SRD5A2: variants seen among roughly 807,000 people sequenced by gnomAD.
SRD5A2 encodes steroid 5 alpha-reductase 2, also known as 3-oxo-5-alpha-steroid 4-dehydrogenase 2.
Under a neutral mutation model 27.4 loss-of-function variants are expected in SRD5A2, and 30 were observed. The ratio of observed to expected loss-of-function variants is 1.10; its 90% CI spans 0.82 to 1.49. The LOEUF (loss-of-function observed/expected upper bound fraction) is 1.49, where lower values mean the gene tolerates loss of function less well. Among genes scored for constraint, SRD5A2 ranks in the 40% most tolerant of loss-of-function variants. The pLI is 0.00. For synonymous variants in SRD5A2, 141 were observed against 133.6 expected, an observed-to-expected ratio of 1.06 and a Z score of -0.38; for missense variants, 348 against 323.4, an observed-to-expected ratio of 1.08 and a Z score of -0.58.
chr2:31,645,827 GGT>G, the SRD5A2 span, among the ~76,000 whole-genome samples: 1 of 151,966 alleles, frequency 6.6e-6, no homozygotes, highest in Non-Finnish European at 1.5e-5. Flanking sequence ...GATGTGTTTA[GGT>G]GTGTGTGTAC....
At chr2:31,562,499 C>A (rs1346680225) in intron 1 of SRD5A2, among the ~76,000 whole-genome samples, 1 of 152,066 alleles carries the variant, frequency 6.6e-6, no homozygotes, top group African/African-American at 2.4e-5. Flanking sequence ...TATTAATGTA[C>A]CCATTAACAA....
chr2:31,566,571 T>A (rs931364938), intron 1 of SRD5A2, among the ~76,000 whole-genome samples: 1 of 152,218 alleles, frequency 6.6e-6, no homozygotes, highest in Non-Finnish European at 1.5e-5. Flanking sequence ...CTTTGCCAAG[T>A]GCTACTTTGC....
the SRD5A2 span, among the ~76,000 whole-genome samples, chr2:31,641,033 C>T: frequency 3.7e-3 from 559 of 152,242 alleles, 4 homozygotes; most frequent in African/African-American, 0.013. Flanking sequence ...TATTATTCTC[C>T]TCCCATCTAC....
intron 1 of SRD5A2, among the ~76,000 whole-genome samples, chr2:31,546,594 A>C (rs1250880022): frequency 1.3e-5 from 2 of 152,198 alleles, no homozygotes; most frequent in African/African-American, 4.8e-5. Context: ...CGTTGAGTAC[A>C]CTTGAACATA....
the SRD5A2 span, among the ~76,000 whole-genome samples, chr2:31,600,632 T>C: frequency 6.6e-6 from 1 of 151,926 alleles, no homozygotes; most frequent in African/African-American, 2.4e-5. Context: ...ACCACCAAAC[T>C]TTTAAAGAAC....
the SRD5A2 span, among the ~76,000 whole-genome samples, chr2:31,642,750 C>T: frequency 6.6e-6 from 1 of 151,948 alleles, no homozygotes; most frequent in Non-Finnish European, 1.5e-5. Flanking sequence ...TAACCTAAAA[C>T]TATAAACAAC....
At chr2:31,528,147 G>A (rs527327535) in intron 4 of SRD5A2, among the ~76,000 whole-genome samples, 1 of 152,166 alleles carries the variant, frequency 6.6e-6, no homozygotes, top group African/African-American at 2.4e-5. Context: ...TCAGAGGGAG[G>A]GTTCTGAAAC....
At chr2:31,605,650 T>C in the SRD5A2 span, among the ~76,000 whole-genome samples, 1 of 151,620 alleles carries the variant, frequency 6.6e-6, no homozygotes, top group Admixed American at 6.6e-5. Context: ...CAATAACAAA[T>C]GCTGGTAAGG....
Position 31,540,704 on chromosome 2 carries a change from G to C in SRD5A2, c.282-6938C>G, listed in dbSNP as rs562363138. 2.0e-5 allele frequency among the ~76,000 whole-genome samples: 3 copies of C among 152,322 alleles called. No homozygotes were observed. The South Asian group carries it at 6.2e-4, about 32-fold the overall frequency. Reference sequence around the variant, plus strand: ...GGAAACATTTGGATGGTACATTGCAGTTAACTTTGATTTCAGCTCAGTCAA... The same window carrying C: ...GGAAACATTTGGATGGTACATTGCACTTAACTTTGATTTCAGCTCAGTCAA... On this transcript the variant is annotated intron_variant, in intron 1 of 4. Coordinates refer to ENST00000622030, the MANE Select transcript of SRD5A2 (RefSeq NM_000348.4).
the SRD5A2 span, among the ~76,000 whole-genome samples, chr2:31,638,725 C>A: frequency 2.6e-5 from 4 of 151,592 alleles, no homozygotes; most frequent in Non-Finnish European, 5.9e-5. Context: ...ATTTCATCTA[C>A]ATATAGCTAT....
At chr2:31,638,108 A>G in the SRD5A2 span, among the ~76,000 whole-genome samples, 3 of 152,100 alleles carry the variant, frequency 2.0e-5, no homozygotes, top group South Asian at 6.2e-4. Flanking sequence ...TGTATCCCAT[A>G]GATTTTGATA....
chr2:31,606,052 G>C, the SRD5A2 span, among the ~76,000 whole-genome samples: 1 of 151,880 alleles, frequency 6.6e-6, no homozygotes, highest in Non-Finnish European at 1.5e-5. Context: ...GACACAGAAA[G>C]ACATACATCA....
At chr2:31,625,422 C>T in the SRD5A2 span, among the ~76,000 whole-genome samples, 6 of 152,190 alleles carry the variant, frequency 3.9e-5, no homozygotes, top group South Asian at 2.1e-4. Context: ...GTTTTAGTCA[C>T]GAAGTACTTG....
At chr2:31,627,641 T>C in the SRD5A2 span, among the ~76,000 whole-genome samples, 1 of 152,144 alleles carries the variant, frequency 6.6e-6, no homozygotes, top group Non-Finnish European at 1.5e-5. Flanking sequence ...GCTTTGGCTG[T>C]TTCCCAGAGC....
intron 1 of SRD5A2, among the ~76,000 whole-genome samples, chr2:31,560,278 G>A (rs1212037760): frequency 6.6e-6 from 1 of 152,048 alleles, no homozygotes; most frequent in Non-Finnish European, 1.5e-5. Flanking sequence ...TGCCTTTGAT[G>A]TAAGCATCTA....
intron 1 of SRD5A2, among the ~76,000 whole-genome samples, chr2:31,558,330 C>T (rs936779250): frequency 6.6e-6 from 1 of 152,144 alleles, no homozygotes; most frequent in Non-Finnish European, 1.5e-5. Context: ...AACAAATTGC[C>T]GCAGACTGGA....
rs553058064 is a variant in SRD5A2, at chr2:31,570,919, A to G, written c.281+9701T>C. Among the ~76,000 whole-genome samples the G allele has an allele frequency of 1.8e-4, 28 of 152,362 alleles. No homozygotes were observed. The South Asian group carries it at 5.6e-3, about 30-fold the overall frequency. ...CATTCCATGCTCATGGATAGAAAGAATCAATATTGTTAAAATGGCCATACT... is the reference window on the plus strand; with the variant it reads ...CATTCCATGCTCATGGATAGAAAGAGTCAATATTGTTAAAATGGCCATACT... On this transcript the variant is annotated intron_variant, in intron 1 of 4. Coordinates refer to ENST00000622030, the MANE Select transcript of SRD5A2 (RefSeq NM_000348.4).
Position 31,547,895 on chromosome 2 carries a change from T to G in SRD5A2, c.282-14129A>C, listed in dbSNP as rs28745289. 3.1e-3 allele frequency among the ~76,000 whole-genome samples: 477 copies of G among 152,214 alleles called. 25 individuals carry two copies. The East Asian group carries it at 0.081, about 26-fold the overall frequency. The stretch of plus-strand genomic sequence containing the variant: ...GATAGATAGATAGATATAGATATAG[T>G]TAGATAGATACAGATATAGATATAG... On this transcript the variant is annotated intron_variant, in intron 1 of 4. Transcript: ENST00000622030.
the SRD5A2 span, among the ~76,000 whole-genome samples, chr2:31,622,480 A>C: frequency 6.6e-6 from 1 of 152,118 alleles, no homozygotes; most frequent in Non-Finnish European, 1.5e-5. Flanking sequence ...GCTCAGGTGA[A>C]TATGACGGAA....
Sources: allele counts gnomAD v4.1 joint callset (sites outside exome capture counted in the v4.1 genomes callset), GRCh38; gene constraint gnomAD v4.1.1; transcripts MANE v1.5; gene names NCBI Gene and HGNC (gene_info 2026-07-23, HGNC 2026-07-21).